The following KCNMB2 variants were observed in gnomAD, a reference collection of about 807,000 sequenced individuals.
The protein encoded by KCNMB2 is potassium calcium-activated channel subfamily M regulatory beta subunit 2, also known as calcium-activated potassium channel subunit beta-2.
Under a neutral mutation model 24.5 loss-of-function variants are expected in KCNMB2, and 9 were observed. That is an observed-to-expected ratio of 0.37 (90% CI 0.22 to 0.64). KCNMB2 has a LOEUF of 0.64. KCNMB2 is among the 30% of genes least tolerant of loss of function. KCNMB2 has a pLI of 0.63. For missense variants in KCNMB2, 226 were observed against 284.3 expected, an observed-to-expected ratio of 0.79 and a Z score of 1.47; for synonymous variants, 109 against 104.4, an observed-to-expected ratio of 1.04 and a Z score of -0.27.
At chr3:178,675,605 A>G (rs2108587914) in intron 1 of KCNMB2, among the ~76,000 whole-genome samples, 1 of 152,366 alleles carries the variant, frequency 6.6e-6, no homozygotes, top group South Asian at 2.1e-4. Flanking sequence ...TTCAATAAAT[A>G]TGAAAAATCT....
chr3:178,760,601 T>C (rs1271177603), intron 1 of KCNMB2, among the ~76,000 whole-genome samples: 1 of 150,546 alleles, frequency 6.6e-6, no homozygotes, highest in Non-Finnish European at 1.5e-5. Flanking sequence ...GTTTCACTTC[T>C]CTTTGTACCT....
chr3:178,698,329 T>G lies in KCNMB2; in HGVS notation c.-67-109014T>G, dbSNP rs57955652. On this transcript the variant is annotated intron_variant, in intron 1 of 4. Coordinates refer to ENST00000452583, the MANE Select transcript of KCNMB2 (RefSeq NM_181361.3). ...GTTTTCTTCATTCTTTTTCATTCTC[T>G]TTTCTCTATTCTTGTCTGCCTGTCT... Among the ~76,000 whole-genome samples, 255 of 142,426 alleles carry G rather than the reference T, an allele frequency of 1.8e-3. 1 individual carries two copies. The highest frequency in any genetic ancestry group is 6.8e-3 in the African/African-American group (244 of 36,098). The allele number at this position is 142,426 out of a possible 152,430, so 93.4% of individuals were successfully genotyped here. A position where few individuals can be genotyped will look rare whatever the true frequency, so the allele number is the denominator to read the frequency against.
intron 1 of KCNMB2, among the ~76,000 whole-genome samples, chr3:178,760,096 AT>A (rs1703009543): frequency 4.7e-5 from 2 of 42,456 alleles, no homozygotes; most frequent in African/African-American, 2.8e-4. Context: ...ATATATCTAT[AT>A]ATATATATAT....
intron 1 of KCNMB2, among the ~76,000 whole-genome samples, chr3:178,681,016 A>G (rs1258561955): frequency 6.6e-6 from 1 of 152,182 alleles, no homozygotes; most frequent in East Asian, 1.9e-4. Context: ...CAGAGCTCTG[A>G]GTTGCCTCAC....
At chr3:178,815,396 T>C (rs9819352) in intron 2 of KCNMB2, among the ~76,000 whole-genome samples, 40,073 of 152,082 alleles carry the variant, frequency 0.26, 7,095 homozygotes, top group African/African-American at 0.51. Flanking sequence ...AGTGTAGAGA[T>C]TACAGATGCA....
At chr3:178,602,330 T>C (rs1718112206) in intron 1 of KCNMB2, among the ~76,000 whole-genome samples, 1 of 152,170 alleles carries the variant, frequency 6.6e-6, no homozygotes, top group African/African-American at 2.4e-5. Flanking sequence ...TCGATTTTTT[T>C]TGGTGATTTA....
chr3:178,576,044 G>C (rs910908185), intron 1 of KCNMB2, among the ~76,000 whole-genome samples: 1 of 152,018 alleles, frequency 6.6e-6, no homozygotes, highest in Admixed American at 6.6e-5. Flanking sequence ...TCAGATAAGG[G>C]GGTGGCTGGT....
intron 1 of KCNMB2, among the ~76,000 whole-genome samples, chr3:178,716,623 G>C (rs1559986896): frequency 6.6e-6 from 1 of 151,824 alleles, no homozygotes; most frequent in African/African-American, 2.4e-5. Flanking sequence ...TTTGTATTTT[G>C]AGTAGAGATG....
At chr3:178,712,956 T>C (rs1489342420) in intron 1 of KCNMB2, among the ~76,000 whole-genome samples, 1 of 152,244 alleles carries the variant, frequency 6.6e-6, no homozygotes, top group African/African-American at 2.4e-5. Flanking sequence ...CTCATAGCCC[T>C]AGCCCACAGG....
At chr3:178,724,108 T>C (rs1179492434) in intron 1 of KCNMB2, among the ~76,000 whole-genome samples, 1 of 152,198 alleles carries the variant, frequency 6.6e-6, no homozygotes, top group Non-Finnish European at 1.5e-5. Context: ...ACTGACAGTG[T>C]ATAAGTATTC....
chr3:178,714,891 G>T (rs946072579), intron 1 of KCNMB2, among the ~76,000 whole-genome samples: 3 of 152,160 alleles, frequency 2.0e-5, no homozygotes, highest in Non-Finnish European at 4.4e-5. Flanking sequence ...AAAACATCTA[G>T]ACTTCTGTTT....
chr3:178,612,203 G>A (rs1577048097), intron 1 of KCNMB2, among the ~76,000 whole-genome samples: 1 of 152,164 alleles, frequency 6.6e-6, no homozygotes, highest in Non-Finnish European at 1.5e-5. Flanking sequence ...TCTATGTTCT[G>A]AGGAAAAGAT....
chr3:178,655,344 A>G (rs1236218281), intron 1 of KCNMB2, among the ~76,000 whole-genome samples: 1 of 152,178 alleles, frequency 6.6e-6, no homozygotes, highest in East Asian at 1.9e-4. Flanking sequence ...AGGCAGTTTC[A>G]AATCACAGGT....
intron 1 of KCNMB2, among the ~76,000 whole-genome samples, chr3:178,584,251 G>A (rs1717337792): frequency 6.6e-6 from 1 of 152,222 alleles, no homozygotes; most frequent in Non-Finnish European, 1.5e-5. Flanking sequence ...ACAAAACCCT[G>A]AACGAGAATG....
chr3:178,683,108 T>C (rs1396751850), intron 1 of KCNMB2, among the ~76,000 whole-genome samples: 1 of 152,134 alleles, frequency 6.6e-6, no homozygotes, highest in East Asian at 1.9e-4. Context: ...CAACAGTAGA[T>C]GGTACATATA....
Position 178,546,972 on chromosome 3 carries a change from A to G in KCNMB2, c.-68+10261A>G, listed in dbSNP as rs370301398. ...GAAGAATATGTGTCTGGAAAGTGCTATGTTTGAATACATTCCCAATGTTCA... is the reference window on the plus strand; with the variant it reads ...GAAGAATATGTGTCTGGAAAGTGCTGTGTTTGAATACATTCCCAATGTTCA... On this transcript the variant is annotated intron_variant, in intron 1 of 4. Transcript: ENST00000452583. Among the ~76,000 whole-genome samples, 17 of 152,328 alleles carry G rather than the reference A, an allele frequency of 1.1e-4. No homozygotes were observed. The East Asian group carries it at 1.2e-3, about 10-fold the overall frequency.
intron 1 of KCNMB2, among the ~76,000 whole-genome samples, chr3:178,570,887 G>C (rs1716752769): frequency 2.0e-5 from 3 of 152,224 alleles, no homozygotes; most frequent in African/African-American, 7.2e-5. Flanking sequence ...AGTTTTATCT[G>C]TTTTGCCTCA....
intron 1 of KCNMB2, among the ~76,000 whole-genome samples, chr3:178,696,823 G>A (rs1009144714): frequency 6.6e-6 from 1 of 151,718 alleles, no homozygotes; most frequent in Non-Finnish European, 1.5e-5. Context: ...AGTAAATAAT[G>A]ATATTATTTA....
chr3:178,765,702 C>CT (rs1560012625), intron 1 of KCNMB2, among the ~76,000 whole-genome samples: 1 of 152,162 alleles, frequency 6.6e-6, no homozygotes, highest in East Asian at 1.9e-4. Context: ...AGGAACAAGA[C>CT]TGAAACCCTG....
Sources: gnomAD v4.1 joint callset for allele counts (sites outside exome capture counted in the v4.1 genomes callset) on GRCh38, gnomAD v4.1.1 for gene constraint, MANE v1.5 for transcripts, NCBI Gene and HGNC (gene_info 2026-07-23, HGNC 2026-07-21) for gene names.